Variants in RBFOX1 observed in about 807,000 individuals in gnomAD.
RBFOX1 encodes the protein RNA binding fox-1 homolog 1.
In RBFOX1, 8 loss-of-function variants were observed where a neutral mutation model predicts 57.7. The observed-to-expected ratio is 0.14, with a 90% CI of 0.08 to 0.25. The LOEUF (loss-of-function observed/expected upper bound fraction) is 0.25, where lower values mean the gene tolerates loss of function less well. Ranked by LOEUF, RBFOX1 falls within the 10% of genes least tolerant of loss-of-function variation. The probability of loss-of-function intolerance (pLI) is 1.00; values close to 1 mark genes in which losing one functional copy is unlikely to be tolerated. For missense variants in RBFOX1, 611 were observed against 548.5 expected (o/e 1.11, Z -1.14); for synonymous variants, 326 against 222.4 (o/e 1.47, Z -4.15).
intron 3 of RBFOX1, among the ~76,000 whole-genome samples, chr16:6,836,174 C>A (rs995276962): frequency 6.6e-6 from 1 of 152,184 alleles, no homozygotes; most frequent in Non-Finnish European, 1.5e-5. Flanking sequence ...CCGGGTAACG[C>A]ATTATTGAAT....
At chr16:6,626,453 A>T (rs1018450314) in intron 2 of RBFOX1, among the ~76,000 whole-genome samples, 3 of 152,140 alleles carry the variant, frequency 2.0e-5, no homozygotes, top group African/African-American at 7.2e-5. Context: ...ACACACACTC[A>T]ACAGGGATTA....
At chr16:7,033,452 G>A (rs932001621) in intron 3 of RBFOX1, among the ~76,000 whole-genome samples, 4 of 152,082 alleles carry the variant, frequency 2.6e-5, no homozygotes, top group Non-Finnish European at 4.4e-5. Context: ...CCCGGGAGGC[G>A]GAGGTTGCAG....
intron 3 of RBFOX1, among the ~76,000 whole-genome samples, chr16:5,708,198 G>T (rs1227572403): frequency 6.6e-6 from 1 of 152,096 alleles, no homozygotes; most frequent in East Asian, 1.9e-4. Flanking sequence ...ACTTGAACTT[G>T]TATGACTTCA....
At chr16:7,506,415 G>C (rs562945959) in intron 4 of RBFOX1, among the ~76,000 whole-genome samples, 2 of 152,190 alleles carry the variant, frequency 1.3e-5, no homozygotes, top group African/African-American at 4.8e-5. Flanking sequence ...AATATGCGGT[G>C]TGTTGGATTC....
intron 3 of RBFOX1, among the ~76,000 whole-genome samples, chr16:5,852,043 G>C (rs939529501): frequency 6.6e-6 from 1 of 152,202 alleles, no homozygotes; most frequent in Non-Finnish European, 1.5e-5. Context: ...ACATCATGGG[G>C]TGTGATAAGG....
intron 3 of RBFOX1, among the ~76,000 whole-genome samples, chr16:5,705,845 T>A (rs2051226372): frequency 6.6e-6 from 1 of 152,210 alleles, no homozygotes; most frequent in Admixed American, 6.5e-5. Flanking sequence ...CTAGAACAGT[T>A]CAGTGGAAAC....
chr16:5,310,725 C>A (rs568501393), intron 1 of RBFOX1, among the ~76,000 whole-genome samples: 1 of 152,276 alleles, frequency 6.6e-6, no homozygotes, highest in Admixed American at 6.5e-5. Context: ...AAATTAATTT[C>A]TTGTTGTGCT....
chr16:5,734,479 A>G (rs1204187296), intron 3 of RBFOX1, among the ~76,000 whole-genome samples: 3 of 152,204 alleles, frequency 2.0e-5, no homozygotes, highest in Admixed American at 2.0e-4. Context: ...TCATGCTTTA[A>G]TCCCCTCTGA....
chr16:7,241,250 T>A (rs539582340), intron 4 of RBFOX1, among the ~76,000 whole-genome samples: 1 of 152,288 alleles, frequency 6.6e-6, no homozygotes, highest in East Asian at 1.9e-4. Flanking sequence ...ATTAGCTGAA[T>A]TCTGGCATCT....
chr16:6,965,230 C>A (rs1398172399), intron 3 of RBFOX1, among the ~76,000 whole-genome samples: 6 of 152,084 alleles, frequency 3.9e-5, no homozygotes, highest in African/African-American at 1.4e-4. Flanking sequence ...GAAAGCATTG[C>A]TTTGCACTCA....
At chr16:7,342,105 A>C (rs1333686672) in intron 4 of RBFOX1, among the ~76,000 whole-genome samples, 1 of 152,094 alleles carries the variant, frequency 6.6e-6, no homozygotes, top group Non-Finnish European at 1.5e-5. Context: ...GCACAGTTAA[A>C]TTTGAAAAGA....
intron 2 of RBFOX1, among the ~76,000 whole-genome samples, chr16:6,645,604 G>C (rs557253870): frequency 6.6e-6 from 1 of 152,242 alleles, no homozygotes; most frequent in South Asian, 2.1e-4. Flanking sequence ...GAAAAGAACG[G>C]ACACATGAGT....
intron 12 of RBFOX1, among the ~76,000 whole-genome samples, chr16:7,656,227 G>T (rs111541539): frequency 1.3e-5 from 2 of 152,132 alleles, no homozygotes; most frequent in Non-Finnish European, 2.9e-5. Flanking sequence ...GCAAGGTACT[G>T]GTCAAAAAGA....
intron 4 of RBFOX1, among the ~76,000 whole-genome samples, chr16:5,913,910 G>A (rs1202514319): frequency 6.6e-6 from 1 of 152,240 alleles, no homozygotes; most frequent in African/African-American, 2.4e-5. Context: ...AACGCTAAGA[G>A]GTGGACAGGG....
chr16:7,573,405 C>T (rs892219722), intron 5 of RBFOX1, among the ~76,000 whole-genome samples: 3 of 152,086 alleles, frequency 2.0e-5, no homozygotes, highest in African/African-American at 7.2e-5. Context: ...CTTTCCCGTC[C>T]ACCTCTAACA....
chr16:7,711,841 G>A lies in RBFOX1; in HGVS notation c.*1096G>A, dbSNP rs2084045537. The A allele has an allele frequency of 6.6e-6, 1 of 152,564 alleles. No homozygotes were observed. Among genetic ancestry groups the A allele is most frequent in the Admixed American group, 6.5e-5 (1 of 15,276 alleles). The allele number at this position is 152,564 out of a possible 1,614,324, so 9.5% of individuals were successfully genotyped here. ...TTACAAGTATTGCAATCATTGAGTA[G>A]AGATAATCATGGTATTTTCATCAGC... On this transcript the variant is annotated 3_prime_UTR_variant, in exon 16 of 16. Coordinates refer to ENST00000550418, the MANE Select transcript of RBFOX1 (RefSeq NM_018723.4).
chr16:6,818,502 T>C (rs1464969642), intron 3 of RBFOX1, among the ~76,000 whole-genome samples: 1 of 152,188 alleles, frequency 6.6e-6, no homozygotes, highest in Non-Finnish European at 1.5e-5. Context: ...AGGTTTGTTA[T>C]GTAGTTACTA....
Position 7,538,105 on chromosome 16 carries a change from G to C in RBFOX1, c.270+19716G>C, listed in dbSNP as rs532189454. Among the ~76,000 whole-genome samples, 202 of 152,274 alleles carry C rather than the reference G, an allele frequency of 1.3e-3. 1 individual carries two copies. The highest frequency in any genetic ancestry group is 4.6e-3 in the African/African-American group (190 of 41,554). On this transcript the variant is annotated intron_variant, in intron 5 of 15. Coordinates refer to ENST00000550418, the MANE Select transcript of RBFOX1 (RefSeq NM_018723.4). ...TCTGGGTTAGACCTTGAGACTGGGAGACAAAGAGTTGTGAGTATTGCCCTG... is the reference window on the plus strand; with the variant it reads ...TCTGGGTTAGACCTTGAGACTGGGACACAAAGAGTTGTGAGTATTGCCCTG...
intron 2 of RBFOX1, among the ~76,000 whole-genome samples, chr16:5,531,106 G>T (rs890479426): frequency 6.6e-6 from 1 of 151,710 alleles, no homozygotes; most frequent in African/African-American, 2.4e-5. Flanking sequence ...GCCTGGGTGA[G>T]AAGAGCAAGA....
Sources: gnomAD v4.1 joint callset for allele counts (sites outside exome capture counted in the v4.1 genomes callset) on GRCh38, gnomAD v4.1.1 for gene constraint, MANE v1.5 for transcripts, NCBI Gene and HGNC (gene_info 2026-07-23, HGNC 2026-07-21) for gene names.